JARID2: variants seen among roughly 807,000 people sequenced by gnomAD.
JARID2 encodes the protein protein Jumonji.
In JARID2, 21 loss-of-function variants were observed where a neutral mutation model predicts 125.6. The ratio of observed to expected loss-of-function variants is 0.17; its 90% CI spans 0.12 to 0.24. The LOEUF (loss-of-function observed/expected upper bound fraction) is 0.24, where lower values mean the gene tolerates loss of function less well. JARID2 is among the 10% of genes least tolerant of loss of function. JARID2 has a pLI of 1.00. For missense variants in JARID2, 1,303 were observed against 1,639.6 expected (o/e 0.79, Z 3.55); for synonymous variants, 736 against 661.6 (o/e 1.11, Z -1.73).
intron 3 of JARID2, among the ~76,000 whole-genome samples, chr6:15,451,596 G>T (rs375725331): frequency 6.6e-6 from 1 of 152,182 alleles, no homozygotes; most frequent in Non-Finnish European, 1.5e-5. Context: ...TTAGATGGAC[G>T]TATAGGATGT....
intron 3 of JARID2, among the ~76,000 whole-genome samples, chr6:15,430,414 C>A (rs1440846187): frequency 6.6e-6 from 1 of 152,134 alleles, no homozygotes; most frequent in African/African-American, 2.4e-5. Flanking sequence ...AAAACAAGAA[C>A]CATGCTTGAT....
chr6:15,254,209 T>C (rs1051505724), intron 1 of JARID2, among the ~76,000 whole-genome samples: 1 of 152,216 alleles, frequency 6.6e-6, no homozygotes, highest in Non-Finnish European at 1.5e-5. Context: ...CCCGTGTCCC[T>C]TGGGACTGGA....
At chr6:15,429,535 C>T (rs1231765775) in intron 3 of JARID2, among the ~76,000 whole-genome samples, 1 of 152,096 alleles carries the variant, frequency 6.6e-6, no homozygotes, top group African/African-American at 2.4e-5. Context: ...TCCCAAAGTG[C>T]TGAGATTACA....
intron 3 of JARID2, among the ~76,000 whole-genome samples, chr6:15,413,736 A>G (rs1420958551): frequency 6.6e-6 from 1 of 152,160 alleles, no homozygotes; most frequent in African/African-American, 2.4e-5. Context: ...ACTCCTGAGT[A>G]GCTGGGACTA....
At chr6:15,327,692 C>G (rs1203469664) in intron 1 of JARID2, among the ~76,000 whole-genome samples, 2 of 152,132 alleles carry the variant, frequency 1.3e-5, no homozygotes, top group African/African-American at 2.4e-5. Flanking sequence ...GTAGCAATCT[C>G]TGGGGTAAAA....
chr6:15,487,186 C>T, intron 5 of JARID2, 121 bp from the exon 6 acceptor site: 2 of 792,784 alleles, frequency 2.5e-6, no homozygotes, highest in Non-Finnish European at 4.2e-6. Flanking sequence ...CCCTCGCTAA[C>T]ACATGGGGAT....
chr6:15,415,129 G>T (rs529657129), intron 3 of JARID2, among the ~76,000 whole-genome samples: 2 of 152,304 alleles, frequency 1.3e-5, no homozygotes, highest in Admixed American at 1.3e-4. Flanking sequence ...ACAGGGTTGG[G>T]GGTAAGGTCA....
intron 3 of JARID2, among the ~76,000 whole-genome samples, chr6:15,449,019 ACAAC>A (rs1416988974): frequency 6.6e-6 from 1 of 151,994 alleles, no homozygotes; most frequent in African/African-American, 2.4e-5. Flanking sequence ...AAGGGGAAAA[ACAAC>A]CAAGCAGAAA....
chr6:15,373,793 A>G (rs1561820415), intron 1 of JARID2, among the ~76,000 whole-genome samples: 1 of 152,236 alleles, frequency 6.6e-6, no homozygotes, highest in Non-Finnish European at 1.5e-5. Flanking sequence ...GGTTGTGGGT[A>G]TAACAACACC....
intron 1 of JARID2, among the ~76,000 whole-genome samples, chr6:15,254,264 TG>T (rs1759568686): frequency 6.6e-6 from 1 of 152,206 alleles, no homozygotes; most frequent in Non-Finnish European, 1.5e-5. Context: ...ACCACATTCT[TG>T]GGTGTATCTG....
At chr6:15,304,856 A>G (rs1265798362) in intron 1 of JARID2, among the ~76,000 whole-genome samples, 1 of 152,054 alleles carries the variant, frequency 6.6e-6, no homozygotes, top group Non-Finnish European at 1.5e-5. Flanking sequence ...TGCAAGGTTG[A>G]GGTGGTGCAT....
intron 3 of JARID2, among the ~76,000 whole-genome samples, chr6:15,419,977 C>CAT (rs956805010): frequency 6.6e-6 from 1 of 152,140 alleles, no homozygotes; most frequent in Non-Finnish European, 1.5e-5. Flanking sequence ...ACCTAATTTT[C>CAT]ATATATATTA....
intron 4 of JARID2, among the ~76,000 whole-genome samples, chr6:15,454,241 C>T (rs1294807616): frequency 6.6e-6 from 1 of 152,190 alleles, no homozygotes. Context: ...TCCTCACCCC[C>T]TCTCCTTGCC....
chr6:15,472,362 G>A (rs1283479923), intron 5 of JARID2, among the ~76,000 whole-genome samples: 1 of 152,046 alleles, frequency 6.6e-6, no homozygotes, highest in Non-Finnish European at 1.5e-5. Context: ...TTAGTAAGGG[G>A]ACTAACTTCA....
chr6:15,282,294 A>G (rs1439435492), intron 1 of JARID2, among the ~76,000 whole-genome samples: 2 of 147,500 alleles, frequency 1.4e-5, no homozygotes, highest in Non-Finnish European at 3.0e-5. Context: ...ACCTTCAGCC[A>G]ATCTACACAC....
intron 17 of JARID2, 130 bp downstream of exon 17, chr6:15,517,398 C>T (rs1771615689): frequency 1.5e-6 from 1 of 669,568 alleles, no homozygotes; most frequent in Admixed American, 2.4e-5. Flanking sequence ...GCCTGAGGTG[C>T]CCTGTTCTTA....
intron 1 of JARID2, among the ~76,000 whole-genome samples, chr6:15,264,807 CCTA>C (rs1760023306): frequency 6.6e-6 from 1 of 152,184 alleles, no homozygotes; most frequent in African/African-American, 2.4e-5. Context: ...CCACATCCCT[CCTA>C]CTAAAATTGC....
At chr6:15,268,520 T>TCC (rs1760175215) in intron 1 of JARID2, among the ~76,000 whole-genome samples, 1 of 152,154 alleles carries the variant, frequency 6.6e-6, no homozygotes, top group African/African-American at 2.4e-5. Flanking sequence ...TGTGTACTTA[T>TCC]ATCCGAAAGC....
In JARID2 at chr6:15,489,015, T is replaced by C. The variant is rs144531776; in HGVS notation, c.906+1473T>C. 3.3e-5 allele frequency among the ~76,000 whole-genome samples: 5 copies of C among 152,310 alleles called. No homozygotes were observed. In the East Asian group the frequency reaches 9.7e-4, roughly 29 times the overall value. ...TCTGTGATTCTTCACTCCCCCGCTG[T>C]TCCCAATGCTGTTGGTCTGATGGAG... On this transcript the variant is annotated intron_variant, in intron 6 of 17. Transcript: ENST00000341776.
Sources: gnomAD v4.1 joint callset for allele counts (sites outside exome capture counted in the v4.1 genomes callset) on GRCh38, gnomAD v4.1.1 for gene constraint, MANE v1.5 for transcripts, NCBI Gene and HGNC (gene_info 2026-07-23, HGNC 2026-07-21) for gene names.